Variants in CDH18 observed in about 807,000 individuals in gnomAD.
The protein encoded by CDH18 is cadherin-18.
CDH18 carries 31 observed loss-of-function variants against 67.9 expected under a neutral mutation model. The observed-to-expected ratio is 0.46, with a 90% CI of 0.34 to 0.62. The LOEUF (loss-of-function observed/expected upper bound fraction) is 0.62. CDH18 is among the 20% of genes least tolerant of loss of function. The pLI, the probability that CDH18 is intolerant of heterozygous loss-of-function variation, is 0.01. For missense variants in CDH18, 890 were observed against 975.5 expected, an observed-to-expected ratio of 0.91 and a Z score of 1.17; for synonymous variants, 362 against 347.2, an observed-to-expected ratio of 1.04 and a Z score of -0.48.
chr5:19,881,577 T>C (rs1030293185), intron 2 of CDH18, among the ~76,000 whole-genome samples: 4 of 151,074 alleles, frequency 2.6e-5, no homozygotes, highest in African/African-American at 7.3e-5. Context: ...GGCATGATCC[T>C]GGCTCACTGC....
intron 2 of CDH18, among the ~76,000 whole-genome samples, chr5:19,897,317 T>C (rs1235914346): frequency 1.3e-5 from 2 of 152,072 alleles, no homozygotes; most frequent in Non-Finnish European, 1.5e-5. Context: ...GCTAAACATA[T>C]AAAACAATGA....
intron 2 of CDH18, among the ~76,000 whole-genome samples, chr5:20,078,033 GA>G (rs1233583764): frequency 6.6e-6 from 1 of 152,156 alleles, no homozygotes; most frequent in Non-Finnish European, 1.5e-5. Context: ...TGTGCATGGA[GA>G]AAATATGGTA....
intron 1 of CDH18, among the ~76,000 whole-genome samples, chr5:20,345,455 G>T (rs1050677342): frequency 6.6e-6 from 1 of 152,110 alleles, no homozygotes; most frequent in East Asian, 1.9e-4. Flanking sequence ...TGCTTTCAAA[G>T]TGATTAGCCT....
At chr5:19,666,759 TAGTA>T (rs1324610112) in intron 5 of CDH18, among the ~76,000 whole-genome samples, 2 of 152,020 alleles carry the variant, frequency 1.3e-5, no homozygotes, top group Non-Finnish European at 2.9e-5. Flanking sequence ...ACAGAAGTAA[TAGTA>T]AGGGTCAGGG....
At position 20,520,200 on chromosome 5, in the gene CDH18, G is replaced by A. The variant is rs181601702; in HGVS notation, c.-580+55262C>T. Among the ~76,000 whole-genome samples, 12 of 151,856 alleles carry A rather than the reference G, an allele frequency of 7.9e-5. No individual in the cohort carries two copies. The East Asian group carries it at 2.3e-3, about 30-fold the overall frequency. ...CTGAACATTGTTATATAAACAACTA[G>A]GACCAAGTAGAGGTAAGGAAAGCTG... is the stretch of plus-strand genomic sequence containing the variant. On this transcript the variant is annotated intron_variant, in intron 1 of 14. Coordinates refer to the CDH18 transcript ENST00000507958.
chr5:19,892,469 C>G (rs1788879512), intron 2 of CDH18, among the ~76,000 whole-genome samples: 1 of 152,044 alleles, frequency 6.6e-6, no homozygotes. Context: ...GTCTAAAATT[C>G]TTAACACTGG....
chr5:19,593,670 CCTT>C (rs1745578869), intron 6 of CDH18, among the ~76,000 whole-genome samples: 1 of 80,526 alleles, frequency 1.2e-5, no homozygotes, highest in Admixed American at 1.2e-4. Context: ...CCTTCTACCT[CCTT>C]CTTCCTCCTC....
chr5:20,095,791 T>A (rs1361778822), intron 2 of CDH18, among the ~76,000 whole-genome samples: 1 of 149,778 alleles, frequency 6.7e-6, no homozygotes, highest in Non-Finnish European at 1.5e-5. Flanking sequence ...ATTCAAAAAC[T>A]GTTAACAAGA....
chr5:19,478,666 T>C (rs1738898722), intron 12 of CDH18: 1 of 152,224 alleles, frequency 6.6e-6, no homozygotes, highest in Admixed American at 6.6e-5. Context: ...ATATGTAAGC[T>C]GTGGACTGAA....
At chr5:20,403,020 C>A (rs75575280) in intron 1 of CDH18, among the ~76,000 whole-genome samples, 30 of 144,122 alleles carry the variant, frequency 2.1e-4, no homozygotes, top group Admixed American at 4.9e-4. Flanking sequence ...ACTAAAAATA[C>A]AAAAAAAAAA....
chr5:20,412,458 A>G lies in CDH18; in HGVS notation c.-579-156953T>C, dbSNP rs369059193. On this transcript the variant is annotated intron_variant, in intron 1 of 14. Coordinates refer to the CDH18 transcript ENST00000507958. ...ACATTGGCATAGGCAAATAATTTGT[A>G]ACTAAAACCTCAAAGGCAAATGCAA... 2.6e-5 allele frequency among the ~76,000 whole-genome samples: 4 copies of G among 152,352 alleles called. No individual in the cohort carries two copies. The East Asian group carries it at 7.7e-4, about 29-fold the overall frequency.
chr5:19,779,243 T>A (rs1342425361), intron 3 of CDH18, among the ~76,000 whole-genome samples: 2 of 152,136 alleles, frequency 1.3e-5, no homozygotes, highest in African/African-American at 4.8e-5. Flanking sequence ...ATCTATAATA[T>A]TAATTTTATA....
At chr5:20,350,916 T>G (rs1007548270) in intron 1 of CDH18, among the ~76,000 whole-genome samples, 3 of 151,982 alleles carry the variant, frequency 2.0e-5, no homozygotes, top group African/African-American at 7.2e-5. Flanking sequence ...AATTAACAGG[T>G]AGAAAATAGG....
chr5:20,570,463 T>C (rs939655721), intron 1 of CDH18, among the ~76,000 whole-genome samples: 1 of 152,238 alleles, frequency 6.6e-6, no homozygotes, highest in African/African-American at 2.4e-5. Flanking sequence ...TCTCTCATTT[T>C]ATTTCTGCCA....
rs563518516 is a variant in CDH18, at chr5:19,836,880, A to G, written c.228+1879T>C. ...AGGTGATTCCTAAAGGATCAGAAAT[A>G]CCATTTGACCCAGCAATCCCATTAC... On this transcript the variant is annotated intron_variant, in intron 3 of 12. Coordinates refer to ENST00000382275, the MANE Select transcript of CDH18 (RefSeq NM_004934.5). Among the ~76,000 whole-genome samples the G allele has an allele frequency of 3.3e-5, 5 of 152,198 alleles. No individual in the cohort carries two copies. In the South Asian group the frequency reaches 8.3e-4, roughly 25 times the overall value.
At chr5:19,910,608 T>A (rs1360432904) in intron 2 of CDH18, among the ~76,000 whole-genome samples, 1 of 152,118 alleles carries the variant, frequency 6.6e-6, no homozygotes, top group Non-Finnish European at 1.5e-5. Flanking sequence ...GGAAAGAAAC[T>A]ATGAAACAAA....
chr5:20,236,427 C>A (rs1488952298), intron 2 of CDH18, among the ~76,000 whole-genome samples: 3 of 151,588 alleles, frequency 2.0e-5, no homozygotes, highest in African/African-American at 4.8e-5. Flanking sequence ...AAGGTTAAAG[C>A]AATCAAGATT....
intron 6 of CDH18, among the ~76,000 whole-genome samples, chr5:19,595,422 G>A (rs1399549754): frequency 6.6e-6 from 1 of 152,060 alleles, no homozygotes; most frequent in Non-Finnish European, 1.5e-5. Flanking sequence ...AGACCTGTTC[G>A]AGACTAGCCT....
chr5:20,357,598 T>C (rs1418250716), intron 1 of CDH18, among the ~76,000 whole-genome samples: 1 of 152,024 alleles, frequency 6.6e-6, no homozygotes, highest in Non-Finnish European at 1.5e-5. Flanking sequence ...AAATCAAAGC[T>C]ACAAATAGAC....
Sources: allele counts gnomAD v4.1 joint callset (sites outside exome capture counted in the v4.1 genomes callset), GRCh38; gene constraint gnomAD v4.1.1; transcripts MANE v1.5; gene names NCBI Gene and HGNC (gene_info 2026-07-23, HGNC 2026-07-21).